The following THADA variants were observed in gnomAD, a reference collection of about 807,000 sequenced individuals.
The protein encoded by THADA is tRNA (32-2'-O)-methyltransferase regulator THADA.
In THADA, 213 loss-of-function variants were observed where a neutral mutation model predicts 219.8. That is an observed-to-expected ratio of 0.97 (90% CI 0.87 to 1.09). THADA has a LOEUF of 1.09. THADA is among the 50% of genes least tolerant of loss of function. THADA has a pLI of 0.00. For synonymous variants in THADA, 1,018 were observed against 828.9 expected, an observed-to-expected ratio of 1.23 and a Z score of -3.92; for missense variants, 2,956 against 2,311.3, an observed-to-expected ratio of 1.28 and a Z score of -5.72.
At chr2:43,591,900 T>C in intron 3 of THADA, 52 bp downstream of exon 3, 1 of 1,237,196 alleles carries the variant, frequency 8.1e-7, no homozygotes. Flanking sequence ...TTTAAATCCT[T>C]AATAGCATGA....
At chr2:43,545,252 A>G (rs199721109) in intron 20 of THADA, among the ~76,000 whole-genome samples, 50,481 of 148,320 alleles carry the variant, frequency 0.34, 8,952 homozygotes, top group African/African-American at 0.42. Flanking sequence ...TAAGCTTTTT[A>G]ATGTGCTGCT....
chr2:43,485,431 TGTGA>T, intron 25 of THADA, 106 bp from the exon 26 acceptor site: 3 of 775,726 alleles, frequency 3.9e-6, no homozygotes, highest in Non-Finnish European at 6.4e-6. Context: ...AACTGGCTAG[TGTGA>T]GGCTAAAAAG....
rs544893564 is a variant in THADA, at chr2:43,278,332, CA to C, written c.5296+1432del. Among the ~76,000 whole-genome samples the C allele has an allele frequency of 1.4e-3, 214 of 152,276 alleles. 1 individual carries two copies. Among genetic ancestry groups the C allele is most frequent in the African/African-American group, 5.0e-3 (207 of 41,552 alleles). ...AAAAATCAGGGTGATTCTCAGTCCT[CA>C]GCTACTTTTCAGTCTAAAGAAAAAG... On this transcript the variant is annotated intron_variant, in intron 36 of 37. Transcript: ENST00000405975.
intron 26 of THADA, among the ~76,000 whole-genome samples, chr2:43,449,638 G>A (rs1199520249): frequency 2.0e-5 from 3 of 152,100 alleles, no homozygotes; most frequent in Non-Finnish European, 2.9e-5. Flanking sequence ...TCATGGTGGT[G>A]TGCTCCTGTG....
chr2:43,543,798 A>T (rs1574174373), intron 20 of THADA, among the ~76,000 whole-genome samples: 1 of 151,996 alleles, frequency 6.6e-6, no homozygotes, highest in Non-Finnish European at 1.5e-5. Flanking sequence ...TAGGTTGCGA[A>T]AATTTTCTCC....
intron 29 of THADA, among the ~76,000 whole-genome samples, chr2:43,367,357 T>A (rs924416877): frequency 6.6e-5 from 10 of 150,910 alleles, no homozygotes; most frequent in Admixed American, 2.0e-4. Context: ...AAAATTTAAT[T>A]AAAAAATTCC....
At chr2:43,468,832 A>T (rs1297916991) in intron 26 of THADA, among the ~76,000 whole-genome samples, 1 of 152,186 alleles carries the variant, frequency 6.6e-6, no homozygotes, top group Non-Finnish European at 1.5e-5. Flanking sequence ...TTTATTCCTC[A>T]CAACTCTAGA....
chr2:43,368,490 G>A (rs1670426882), intron 29 of THADA, among the ~76,000 whole-genome samples: 1 of 151,988 alleles, frequency 6.6e-6, no homozygotes, highest in Admixed American at 6.6e-5. Flanking sequence ...TTGATCTCCT[G>A]GACTCAAGTG....
At chr2:43,234,137 G>A (rs542928767) in intron 36 of THADA, among the ~76,000 whole-genome samples, 1 of 152,188 alleles carries the variant, frequency 6.6e-6, no homozygotes, top group African/African-American at 2.4e-5. Context: ...AGTCCTTCTA[G>A]CATCCTATGG....
At chr2:43,235,724 C>T (rs1027352297) in intron 36 of THADA, among the ~76,000 whole-genome samples, 2 of 152,164 alleles carry the variant, frequency 1.3e-5, no homozygotes, top group African/African-American at 4.8e-5. Flanking sequence ...CATAAAGAAC[C>T]TATGGGGGTG....
chr2:43,272,623 CTTTTT>C (rs397871468), intron 36 of THADA, among the ~76,000 whole-genome samples: 1 of 120,300 alleles, frequency 8.3e-6, no homozygotes, highest in Non-Finnish European at 1.7e-5. Context: ...TGGTTTTGTG[CTTTTT>C]TTTTTTTTTT....
At position 43,292,826 on chromosome 2, in the gene THADA, G is replaced by C. The variant is rs1674894780; in HGVS notation, c.4818+8C>G. The stretch of plus-strand genomic sequence containing the variant: ...GTAAAGGGCCAGTCAGTACGTTGGA[G>C]ACTTTACCTTGCAGAAGCATTCTGG... On this transcript the variant is annotated splice_region_variant and intron_variant, in intron 32 of 37. Transcript: ENST00000405975. The C allele has an allele frequency of 6.2e-6, 10 of 1,609,328 alleles. No homozygotes were observed. In the East Asian group the frequency reaches 2.2e-4, roughly 36 times the overall value.
chr2:43,453,254 A>G (rs1682580246), intron 26 of THADA, among the ~76,000 whole-genome samples: 1 of 152,240 alleles, frequency 6.6e-6, no homozygotes, highest in Non-Finnish European at 1.5e-5. Flanking sequence ...CTGCAGAAGT[A>G]TGGAAAAGAG....
intron 31 of THADA, among the ~76,000 whole-genome samples, chr2:43,304,690 G>A (rs1030719494): frequency 5.4e-4 from 38 of 69,998 alleles, no homozygotes; most frequent in Admixed American, 2.2e-3. Flanking sequence ...TTTTTTTTTT[G>A]TGATGGAGTC....
At chr2:43,445,471 C>T (rs914408592) in intron 26 of THADA, among the ~76,000 whole-genome samples, 1 of 152,096 alleles carries the variant, frequency 6.6e-6, no homozygotes, top group East Asian at 1.9e-4. Context: ...TCAGGAGTCC[C>T]GTGGTCAGAA....
intron 31 of THADA, among the ~76,000 whole-genome samples, chr2:43,315,452 C>T (rs1677964803): frequency 6.6e-6 from 1 of 151,284 alleles, no homozygotes; most frequent in Admixed American, 6.6e-5. Context: ...CAGTTACATT[C>T]TTTTTTTTTC....
At chr2:43,376,557 A>G (rs1374154697) in intron 29 of THADA, among the ~76,000 whole-genome samples, 1 of 152,166 alleles carries the variant, frequency 6.6e-6, no homozygotes, top group Non-Finnish European at 1.5e-5. Context: ...TCTCACTTAG[A>G]AGCAAAACAC....
At chr2:43,380,736 G>A (rs904051230) in intron 29 of THADA, among the ~76,000 whole-genome samples, 1 of 152,126 alleles carries the variant, frequency 6.6e-6, no homozygotes, top group African/African-American at 2.4e-5. Context: ...GGTCTCCTTG[G>A]AGAAATGACT....
At chr2:43,495,281 TA>T (rs1217242579) in intron 25 of THADA, among the ~76,000 whole-genome samples, 1 of 152,208 alleles carries the variant, frequency 6.6e-6, no homozygotes, top group African/African-American at 2.4e-5. Flanking sequence ...ATAGCTATGA[TA>T]TTTATTTCCT....
Sources: gnomAD v4.1 joint callset for allele counts (sites outside exome capture counted in the v4.1 genomes callset) on GRCh38, gnomAD v4.1.1 for gene constraint, MANE v1.5 for transcripts, NCBI Gene and HGNC (gene_info 2026-07-23, HGNC 2026-07-21) for gene names.